The following PTPRG variants were observed in gnomAD, a reference collection of about 807,000 sequenced individuals.
PTPRG encodes protein tyrosine phosphatase receptor type G, also known as receptor-type tyrosine-protein phosphatase gamma.
In PTPRG, 102 loss-of-function variants were observed where a neutral mutation model predicts 165.3. That is an observed-to-expected ratio of 0.62 (90% CI 0.53 to 0.73). PTPRG has a LOEUF of 0.73. Among genes scored for constraint, PTPRG ranks in the 30% least tolerant of loss-of-function variants. PTPRG has a pLI of 0.00. For synonymous variants in PTPRG, 675 were observed against 669.5 expected (o/e 1.01, Z -0.13); for missense variants, 1,866 against 1,861.4 (o/e 1.00, Z -0.05).
At chr3:61,839,101 G>C (rs1252124929) in intron 2 of PTPRG, among the ~76,000 whole-genome samples, 1 of 152,038 alleles carries the variant, frequency 6.6e-6, no homozygotes, top group African/African-American at 2.4e-5. Context: ...AAACCAACAA[G>C]GCATATATCC....
At chr3:61,570,562 C>A (rs1700032386) in intron 1 of PTPRG, among the ~76,000 whole-genome samples, 1 of 152,094 alleles carries the variant, frequency 6.6e-6, no homozygotes, top group African/African-American at 2.4e-5. Context: ...ATACTAGTTA[C>A]AATATACATC....
rs1699778708 is a variant in PTPRG, at chr3:61,562,350, C to T, written c.63C>T (p.Leu21=). The T allele has an allele frequency of 6.2e-7, 1 of 1,613,694 alleles. No homozygotes were observed. The highest frequency in any genetic ancestry group is 8.5e-7 in the Non-Finnish European group (1 of 1,179,678). The change falls in exon 1 of 30, where the codon CTC becomes CTT. Residue 21 remains leucine, a synonymous_variant. Transcript: ENST00000474889. ...ILFLKITSSV[L]HYVVCFPALT... ...TCCTGAAAATCACCAGTTCCGTGCT[C>T]CATTATGTCGTGTGCTTCCCCGGTG...
intron 2 of PTPRG, among the ~76,000 whole-genome samples, chr3:61,882,985 G>C (rs1183675550): frequency 6.6e-6 from 1 of 151,996 alleles, no homozygotes; most frequent in Admixed American, 6.6e-5. Context: ...CTTCTCCTTA[G>C]CAGACAGAGC....
At chr3:61,598,162 T>A (rs990473869) in intron 1 of PTPRG, among the ~76,000 whole-genome samples, 1 of 152,176 alleles carries the variant, frequency 6.6e-6, no homozygotes, top group Non-Finnish European at 1.5e-5. Flanking sequence ...TGATTCTTCT[T>A]GTATGGACTG....
At position 61,875,747 on chromosome 3, in the gene PTPRG, G is replaced by A. The variant is rs890913125; in HGVS notation, c.191-113878G>A. Among the ~76,000 whole-genome samples the A allele has an allele frequency of 2.0e-5, 3 of 152,016 alleles. No individual in the cohort carries two copies. The South Asian group carries it at 6.2e-4, about 32-fold the overall frequency. ...CCTTTTAAGAGTGCCATCATTTCTCGCAGAGATGTAACTGGAGAACAAAGC... is the reference window on the plus strand; with the variant it reads ...CCTTTTAAGAGTGCCATCATTTCTCACAGAGATGTAACTGGAGAACAAAGC... On this transcript the variant is annotated intron_variant, in intron 2 of 29. Coordinates refer to ENST00000474889, the MANE Select transcript of PTPRG (RefSeq NM_002841.4).
intron 2 of PTPRG, among the ~76,000 whole-genome samples, chr3:61,907,502 AGT>A (rs1283339046): frequency 2.0e-5 from 3 of 152,230 alleles, no homozygotes. Flanking sequence ...CTTGAATAAA[AGT>A]GTGTTTTTAT....
At chr3:61,876,266 A>C (rs1215238172) in intron 2 of PTPRG, among the ~76,000 whole-genome samples, 1 of 152,212 alleles carries the variant, frequency 6.6e-6, no homozygotes, top group Non-Finnish European at 1.5e-5. Context: ...AGACTGAAGA[A>C]CTTTTTATAG....
chr3:62,127,798 A>G lies in PTPRG; in HGVS notation c.616-4804A>G, dbSNP rs563045222. Among the ~76,000 whole-genome samples, 22 of 152,192 alleles carry G rather than the reference A, an allele frequency of 1.4e-4. 1 individual carries two copies. The highest frequency in any genetic ancestry group is 4.4e-5 in the Non-Finnish European group (3 of 68,020). ...GCAGCACATATCTGAACGCAGGCACATGTCGTCTGATGGGGTCTCTGTGCT... is the reference window on the plus strand; with the variant it reads ...GCAGCACATATCTGAACGCAGGCACGTGTCGTCTGATGGGGTCTCTGTGCT... On this transcript the variant is annotated intron_variant, in intron 5 of 29. Transcript: ENST00000474889.
At chr3:62,163,601 G>A (rs1704852419) in intron 7 of PTPRG, among the ~76,000 whole-genome samples, 1 of 152,220 alleles carries the variant, frequency 6.6e-6, no homozygotes, top group Non-Finnish European at 1.5e-5. Context: ...AGGGGGATAA[G>A]GAAGGGAAGG....
rs149222009 is a variant in PTPRG, at chr3:61,573,110, CAT to C, written c.85+10739_85+10740del. ...GCCTGCTCCTTGGATATTTCACAGT[CAT>C]GTGTTGACTTCCCTGGTTGATTTGA... On this transcript the variant is annotated intron_variant, in intron 1 of 29. Transcript: ENST00000474889. Among the ~76,000 whole-genome samples, 1,092 of 152,338 alleles carry C rather than the reference CAT, an allele frequency of 7.2e-3. 18 individuals carry two copies. Among genetic ancestry groups the C allele is most frequent in the African/African-American group, 0.025 (1,028 of 41,574 alleles).
At chr3:62,162,545 G>A (rs1010310409) in intron 7 of PTPRG, among the ~76,000 whole-genome samples, 4 of 152,198 alleles carry the variant, frequency 2.6e-5, no homozygotes, top group African/African-American at 7.2e-5. Context: ...GGAGGTGGAC[G>A]GGATTTTCTC....
At chr3:61,963,660 A>G (rs1427269429) in intron 2 of PTPRG, among the ~76,000 whole-genome samples, 7 of 152,176 alleles carry the variant, frequency 4.6e-5, no homozygotes, top group African/African-American at 1.7e-4. Context: ...GAAATTGTTA[A>G]TAGTTCTTAC....
intron 4 of PTPRG, among the ~76,000 whole-genome samples, chr3:62,036,502 T>A (rs1699942539): frequency 6.6e-6 from 1 of 152,138 alleles, no homozygotes; most frequent in Non-Finnish European, 1.5e-5. Flanking sequence ...AATGTGACAT[T>A]TGTGTGTGAT....
intron 1 of PTPRG, among the ~76,000 whole-genome samples, chr3:61,653,095 T>C (rs1447708125): frequency 1.3e-5 from 2 of 152,102 alleles, no homozygotes; most frequent in Non-Finnish European, 2.9e-5. Flanking sequence ...AAAGTACTTA[T>C]AAGCCAAAAG....
At position 62,292,441 on chromosome 3, in the gene PTPRG, G is replaced by C. The variant is rs775791317; in HGVS notation, c.4076G>C (p.Gly1359Ala). 7 of 1,613,092 alleles carry C rather than the reference G, an allele frequency of 4.3e-6. No homozygotes were observed. In the South Asian group the frequency reaches 7.7e-5, roughly 18 times the overall value. The change falls in exon 29 of 30, where the codon GGA (glycine) becomes GCA (alanine). Residue 1359 changes from glycine to alanine, a missense_variant. This residue lies in a region of PTPRG where 1,452 missense variants were observed against 1,463.0 expected (regional missense o/e 0.99). Transcript: ENST00000474889. Reference protein sequence around the residue: ...VHDEYGAVSAGMLCALTTLSQ... With the variant: ...VHDEYGAVSAAMLCALTTLSQ... ...CCCAGGTATGGAGCAGTTTCAGCAG[G>C]AATGTTATGTGCCCTTACCACCCTG...
intron 12 of PTPRG, among the ~76,000 whole-genome samples, chr3:62,209,098 TA>T (rs1017565261): frequency 1.3e-5 from 2 of 152,236 alleles, no homozygotes; most frequent in African/African-American, 4.8e-5. Context: ...ATTAAGTGAA[TA>T]TTTTAATGTG....
At position 62,218,256 on chromosome 3, in the gene PTPRG, G is replaced by A. The variant is rs543233537; in HGVS notation, c.2156-595G>A. Among the ~76,000 whole-genome samples, 15 of 152,292 alleles carry A rather than the reference G, an allele frequency of 9.8e-5. No homozygotes were observed. In the South Asian group the frequency reaches 1.2e-3, roughly 13 times the overall value. On this transcript the variant is annotated intron_variant, in intron 12 of 29. Transcript: ENST00000474889. ...ACCAGAGCAGGGAGCCCCACACTCC[G>A]ATGATTGTCCCACCATGACTGTGTC...
At position 62,231,331 on chromosome 3, in the gene PTPRG, A is replaced by C; in HGVS notation, c.2375+20A>C. The C allele has an allele frequency of 1.3e-6, 2 of 1,541,926 alleles. No individual in the cohort carries two copies. The highest frequency in any genetic ancestry group is 1.9e-4 in the Middle Eastern group (1 of 5,290). The stretch of plus-strand genomic sequence containing the variant: ...GAGCAGGTGAGGGGCGGTCAAGCTT[A>C]AGTGGGGGGCGTCTTGATGGCCGGG... On this transcript the variant is annotated intron_variant, in intron 14 of 29. Coordinates refer to ENST00000474889, the MANE Select transcript of PTPRG (RefSeq NM_002841.4).
chr3:61,644,181 T>G (rs928028268), intron 1 of PTPRG, among the ~76,000 whole-genome samples: 4 of 152,230 alleles, frequency 2.6e-5, no homozygotes, highest in Admixed American at 6.5e-5. Context: ...CTCTGTCTTT[T>G]CAGCTTTGGA....
Sources: gnomAD v4.1 joint callset for allele counts (sites outside exome capture counted in the v4.1 genomes callset) on GRCh38, gnomAD v4.1.1 for gene constraint, gnomAD v4.1.1 regional missense constraint, MANE v1.5 for transcripts, NCBI Gene and HGNC (gene_info 2026-07-23, HGNC 2026-07-21) for gene names.